EPB41L3: variants seen among roughly 807,000 people sequenced by gnomAD.
EPB41L3 encodes the protein band 4.1-like protein 3.
Under a neutral mutation model 127.1 loss-of-function variants are expected in EPB41L3, and 57 were observed. The observed-to-expected ratio is 0.45, with a 90% CI of 0.36 to 0.56. The LOEUF (loss-of-function observed/expected upper bound fraction) is 0.56, where lower values mean the gene tolerates loss of function less well. Among genes scored for constraint, EPB41L3 ranks in the 20% least tolerant of loss-of-function variants. The pLI is 0.00. For missense variants in EPB41L3, 1,273 were observed against 1,372.2 expected, an observed-to-expected ratio of 0.93 and a Z score of 1.14; for synonymous variants, 572 against 549.5, an observed-to-expected ratio of 1.04 and a Z score of -0.57.
intron 3 of EPB41L3, among the ~76,000 whole-genome samples, chr18:5,590,566 TCA>T (rs35652184): frequency 7.7e-4 from 115 of 150,074 alleles, no homozygotes; most frequent in Admixed American, 1.7e-3. Context: ...AACACTATGT[TCA>T]CACACACACA....
upstream of EPB41L3, among the ~76,000 whole-genome samples, chr18:5,629,544 T>C (rs764641842): frequency 6.6e-6 from 1 of 152,026 alleles, no homozygotes; most frequent in Non-Finnish European, 1.5e-5. Flanking sequence ...AACGCTGAGA[T>C]GGAGGCGGAG....
At chr18:5,430,307 A>G (rs1406342512) in intron 8 of EPB41L3, among the ~76,000 whole-genome samples, 1 of 152,132 alleles carries the variant, frequency 6.6e-6, no homozygotes, top group African/African-American at 2.4e-5. Flanking sequence ...CTGGAGACAA[A>G]AGCTGGTTGA....
At chr18:5,556,465 G>C (rs1402292251) in intron 3 of EPB41L3, among the ~76,000 whole-genome samples, 2 of 152,156 alleles carry the variant, frequency 1.3e-5, no homozygotes, top group Non-Finnish European at 2.9e-5. Context: ...AGGAACATTT[G>C]GTGTTGAAAT....
At chr18:5,407,930 T>C (rs1425705799) in intron 14 of EPB41L3, among the ~76,000 whole-genome samples, 194 bp from the exon 15 acceptor site, 6 of 152,166 alleles carry the variant, frequency 3.9e-5, no homozygotes, top group Non-Finnish European at 8.8e-5. Flanking sequence ...TATAGGAATA[T>C]AGGAGTGGAA....
At chr18:5,499,829 G>GTGTGTATA (rs563662904) in intron 1 of EPB41L3, among the ~76,000 whole-genome samples, 3 of 124,618 alleles carry the variant, frequency 2.4e-5, no homozygotes, top group African/African-American at 9.3e-5. Flanking sequence ...CTATGTGTGT[G>GTGTGTATA]TATATATATA....
At chr18:5,623,901 C>T (rs953357833) in intron 1 of EPB41L3, among the ~76,000 whole-genome samples, 1 of 152,114 alleles carries the variant, frequency 6.6e-6, no homozygotes, top group African/African-American at 2.4e-5. Flanking sequence ...TAGTGATTCA[C>T]CCATCTCAGC....
intron 16 of EPB41L3, chr18:5,400,878 T>C: frequency 1.3e-6 from 1 of 796,986 alleles, no homozygotes; most frequent in Non-Finnish European, 2.0e-6. Flanking sequence ...AAGATAAATG[T>C]TAAAGGGAAA....
chr18:5,397,239 G>A lies in EPB41L3; in HGVS notation c.2660C>T (p.Thr887Ile). 1 of 1,614,150 alleles carries A rather than the reference G, an allele frequency of 6.2e-7. No homozygotes were observed. Among genetic ancestry groups the A allele is most frequent in the Non-Finnish European group, 8.5e-7 (1 of 1,180,038 alleles). Reference sequence around the variant, plus strand: ...AGAGCCCTCTTTCCCTTTAATGCCTGTGAATGCGGGCTGTGCTGCAGCATC... The same window carrying A: ...AGAGCCCTCTTTCCCTTTAATGCCTATGAATGCGGGCTGTGCTGCAGCATC... ...SGDAAAQPAF[T>I]GIKGKEGSAL... is the part of the protein sequence containing the mutation. The change falls in exon 18 of 23, where the codon ACA (threonine) becomes ATA (isoleucine). Residue 887 changes from threonine to isoleucine, a missense_variant. Thr to Ile is a moderately conservative substitution (Grantham distance 89). This residue lies in a region of EPB41L3 where 765 missense variants were observed against 782.9 expected (regional missense o/e 0.98). Coordinates refer to ENST00000341928, the MANE Select transcript of EPB41L3 (RefSeq NM_012307.5). This position sits in a 1 kb window ranked among gnomAD's most constrained non-coding sequence, Gnocchi z 4.1.
chr18:5,563,084 G>A (rs911231639), intron 3 of EPB41L3, among the ~76,000 whole-genome samples: 11 of 152,204 alleles, frequency 7.2e-5, no homozygotes, highest in East Asian at 1.9e-4. Flanking sequence ...CTTACCAGAC[G>A]GATGGGCAGA....
intron 3 of EPB41L3, among the ~76,000 whole-genome samples, chr18:5,556,670 G>C (rs1294903977): frequency 1.3e-5 from 2 of 152,168 alleles, no homozygotes; most frequent in Non-Finnish European, 2.9e-5. Context: ...GAGACAATGA[G>C]TTTTTCTGTC....
At chr18:5,403,504 C>T (rs551027228) in intron 16 of EPB41L3, among the ~76,000 whole-genome samples, 20 of 147,380 alleles carry the variant, frequency 1.4e-4, no homozygotes, top group African/African-American at 5.0e-4. Context: ...ACTATAGATA[C>T]AACAGTATAA....
chr18:5,427,708 A>C (rs2078389269), intron 9 of EPB41L3, among the ~76,000 whole-genome samples: 1 of 152,212 alleles, frequency 6.6e-6, no homozygotes, highest in Non-Finnish European at 1.5e-5. Flanking sequence ...AGATTTATCC[A>C]TTACTGCTTG....
intron 13 of EPB41L3, among the ~76,000 whole-genome samples, chr18:5,413,098 A>C: frequency 6.6e-6 from 1 of 152,178 alleles, no homozygotes; most frequent in East Asian, 1.9e-4. Context: ...TGACTACATA[A>C]AACTGCAAAT....
At chr18:5,431,646 C>T (rs1041806677) in intron 8 of EPB41L3, among the ~76,000 whole-genome samples, 16 of 152,022 alleles carry the variant, frequency 1.1e-4, no homozygotes, top group African/African-American at 2.2e-4. Flanking sequence ...CTTTTATTTA[C>T]TTATTTATTT....
chr18:5,498,918 TAACTA>T (rs2091467385), intron 1 of EPB41L3, among the ~76,000 whole-genome samples: 1 of 152,230 alleles, frequency 6.6e-6, no homozygotes, highest in Non-Finnish European at 1.5e-5. Context: ...ATTTGCTTCT[TAACTA>T]AACTTTAAAC....
chr18:5,453,741 G>A (rs2082611966), intron 3 of EPB41L3, among the ~76,000 whole-genome samples: 1 of 152,150 alleles, frequency 6.6e-6, no homozygotes, highest in African/African-American at 2.4e-5. Context: ...TCTGCTCCCT[G>A]AGGATGGAAA....
chr18:5,540,656 ATCTC>A (rs1256088056), intron 1 of EPB41L3: 1 of 582,394 alleles, frequency 1.7e-6, no homozygotes, highest in African/African-American at 2.0e-5. Flanking sequence ...ACGATTAAGG[ATCTC>A]TCTAACTGAA....
intron 1 of EPB41L3, among the ~76,000 whole-genome samples, chr18:5,542,855 T>TG (rs1274747640): frequency 1.3e-5 from 2 of 152,004 alleles, no homozygotes; most frequent in East Asian, 3.9e-4. Context: ...TTGGCGGGCG[T>TG]GGGGGGGAAG....
In EPB41L3 at chr18:5,560,986, T is replaced by C. The variant is rs891022883; in HGVS notation, c.-306+51354A>G. On this transcript the variant is annotated intron_variant, in intron 3 of 21. Transcript: ENST00000545076. ...TTATTTATTTATTTATTTATTTATTTATTTATTTTGAGATGGAGTCTCGCT... is the reference window on the plus strand; with the variant it reads ...TTATTTATTTATTTATTTATTTATTCATTTATTTTGAGATGGAGTCTCGCT... Among the ~76,000 whole-genome samples the C allele has an allele frequency of 2.8e-4, 24 of 84,650 alleles. 1 individual carries two copies. Among genetic ancestry groups the C allele is most frequent in the Admixed American group, 2.7e-3 (22 of 8,284 alleles). 55.5% of individuals were successfully genotyped at this position (84,650 alleles called of 152,430 possible). A position where few individuals can be genotyped will look rare whatever the true frequency, so the allele number is the denominator to read the frequency against.
Sources: gnomAD v4.1 joint callset for allele counts (sites outside exome capture counted in the v4.1 genomes callset) on GRCh38, gnomAD v4.1.1 for gene constraint, gnomAD v4.1.1 regional missense constraint, Gnocchi (gnomAD v3.1) non-coding constraint, MANE v1.5 for transcripts, NCBI Gene and HGNC (gene_info 2026-07-23, HGNC 2026-07-21) for gene names.